WASF2: variants seen among roughly 807,000 people sequenced by gnomAD.
The protein encoded by WASF2 is actin-binding protein WASF2.
In WASF2, 14 loss-of-function variants were observed where a neutral mutation model predicts 45.0. The observed-to-expected ratio is 0.31, with a 90% CI of 0.21 to 0.49. WASF2 has a LOEUF of 0.49. WASF2 is among the 20% of genes least tolerant of loss of function. WASF2 has a pLI of 0.99. For synonymous variants in WASF2, 200 were observed against 236.3 expected, an observed-to-expected ratio of 0.85 and a Z score of 1.41; for missense variants, 439 against 636.1, an observed-to-expected ratio of 0.69 and a Z score of 3.33.
At position 27,408,308 on chromosome 1, in the gene WASF2, C is replaced by G. The variant is rs199795195; in HGVS notation, c.1378G>C (p.Glu460Gln). ...TCATTGCCCACAACATCCCGCTTCT[C>G]TTGTTCCCGCTGCTCCTCAACCCTG... The part of the protein sequence containing the change: ...LRRVEEQREQ[E>Q]KRDVVGNDVA... Residue 460 changes from glutamate (E) to glutamine (Q), a missense_variant, in exon 9 of 9, where the codon GAG becomes CAG. Physicochemically the swap from Glu to Gln is conservative, Grantham distance 29. Coordinates refer to ENST00000618852, the MANE Select transcript of WASF2 (RefSeq NM_006990.5). 1.2e-6 allele frequency: 2 copies of G among 1,614,246 alleles called. No homozygotes were observed. The highest frequency in any genetic ancestry group is 1.7e-6 in the Non-Finnish European group (2 of 1,180,056).
Position 27,414,815 on chromosome 1 carries a change from T to C in WASF2, c.668+18A>G. 2 of 1,613,978 alleles carry C rather than the reference T, an allele frequency of 1.2e-6. No homozygotes were observed. Among genetic ancestry groups the C allele is most frequent in the East Asian group, 2.2e-5 (1 of 44,868 alleles). On this transcript the variant is annotated intron_variant, in intron 6 of 8. Transcript: ENST00000618852. This position sits in a 1 kb window ranked among gnomAD's most constrained non-coding sequence, Gnocchi z 4.1. ...CCCCTTCAAAGAATGCTACCAACAG[T>C]ACAAAGGCATTACCTACCCAGAAGT...
intron 1 of WASF2, chr1:27,457,473 A>C (rs968096763): frequency 6.6e-6 from 1 of 152,160 alleles, no homozygotes; most frequent in Non-Finnish European, 1.5e-5. Context: ...GCTACTCAGC[A>C]GACTAAGGTG....
rs181643082 is a variant in WASF2 at position 27,452,058 on chromosome 1, C to G, written c.-43-23125G>C. On this transcript the variant is annotated intron_variant, in intron 1 of 8. Coordinates refer to ENST00000618852, the MANE Select transcript of WASF2 (RefSeq NM_006990.5). ...CACAGGTAACTGAAACTGGATAAGG[C>G]AGGAGACCACTGTATTTAATTTCTC... Among the ~76,000 whole-genome samples the G allele has an allele frequency of 4.3e-4, 65 of 152,316 alleles. 1 individual carries two copies. In the East Asian group the frequency reaches 7.5e-3, roughly 18 times the overall value.
chr1:27,435,260 TTTATATA>T (rs1321660253), intron 1 of WASF2, among the ~76,000 whole-genome samples: 1 of 148,848 alleles, frequency 6.7e-6, no homozygotes, highest in Non-Finnish European at 1.5e-5. Context: ...ATGGAATACT[TTTATATA>T]TCACCTTTGG....
Position 27,409,701 on chromosome 1 carries a change from T to C in WASF2, c.1330A>G (p.Ile444Val). The stretch of plus-strand genomic sequence containing the variant: ...CACCATTGAAATTTACCTTGACGGA[T>C]GGCTGAAAGCAGGTCGCTACGGGCA... ...SDARSDLLSA[I>V]RQGFQLRRVE... The change falls in exon 8 of 9, where the codon ATC (isoleucine) becomes GTC (valine). Residue 444 changes from isoleucine to valine, a missense_variant. By Grantham distance (29) the Ile-to-Val change is conservative. This residue lies in a region of WASF2 where 286 missense variants were observed against 373.5 expected (regional missense o/e 0.77). Transcript: ENST00000618852. 5.4e-6 allele frequency: 8 copies of C among 1,492,530 alleles called. No homozygotes were observed. The highest frequency in any genetic ancestry group is 1.4e-5 in the South Asian group (1 of 69,230). The allele number at this position is 1,492,530 out of a possible 1,614,324, so 92.5% of individuals were successfully genotyped here.
At chr1:27,441,512 G>T (rs2017228582) in intron 1 of WASF2, among the ~76,000 whole-genome samples, 1 of 151,848 alleles carries the variant, frequency 6.6e-6, no homozygotes, top group African/African-American at 2.4e-5. Flanking sequence ...CCAGCACTTT[G>T]GGAGGCCGAG....
rs544909281 is a variant in WASF2 at position 27,486,843 on chromosome 1, G to A, written c.-44+3143C>T. Among the ~76,000 whole-genome samples the A allele has an allele frequency of 4.2e-4, 64 of 151,758 alleles. 1 individual carries two copies. The East Asian group carries it at 6.0e-3, about 14-fold the overall frequency. ...GGAGGCTGAGGCAGGAGAATCGCCC[G>A]AACCTGGGAGGCGGAGGTTGCAGTA... On this transcript the variant is annotated intron_variant, in intron 1 of 8. Transcript: ENST00000618852.
chr1:27,461,180 T>C (rs564540751), intron 1 of WASF2, among the ~76,000 whole-genome samples: 90 of 152,204 alleles, frequency 5.9e-4, no homozygotes, highest in Middle Eastern at 3.4e-3. Flanking sequence ...AAAAGGTTTT[T>C]ACTTTTTATT....
In WASF2 at chr1:27,404,661, T is replaced by C. The variant is rs2016638222; in HGVS notation, c.*3528A>G. 6.6e-6 allele frequency: 1 copy of C among 152,202 alleles called. No homozygotes were observed. Among genetic ancestry groups the C allele is most frequent in the Admixed American group, 6.5e-5 (1 of 15,274 alleles). 9.4% of individuals were successfully genotyped at this position (152,202 alleles called of 1,614,324 possible). On this transcript the variant is annotated 3_prime_UTR_variant, in exon 9 of 9. Transcript: ENST00000618852. ...TTTGTATCAGAGAAAACAAGGCACT[T>C]TGGGAGCATTATGGCTTACTCTACT...
intron 1 of WASF2, among the ~76,000 whole-genome samples, chr1:27,462,432 G>GT (rs1234512992): frequency 6.6e-6 from 1 of 151,848 alleles, no homozygotes; most frequent in Non-Finnish European, 1.5e-5. Flanking sequence ...TGTAAAGTTC[G>GT]TATCTTTTAC....
Position 27,408,204 on chromosome 1 carries a change from GTCC to G in WASF2, c.1479_1481del (p.Glu493del). 1 of 1,613,870 alleles carries G rather than the reference GTCC, an allele frequency of 6.2e-7. No homozygotes were observed. Reference sequence around the variant, plus strand: ...GCAGAAAGAGTTAATCGGACCAGTCGTCCTCATCAAATTCAGAGGAGTCATCTT... The same window carrying G: ...GCAGAAAGAGTTAATCGGACCAGTCGTCATCAAATTCAGAGGAGTCATCTT... On this transcript the variant is annotated inframe_deletion, in exon 9 of 9. Coordinates refer to ENST00000618852, the MANE Select transcript of WASF2 (RefSeq NM_006990.5).
intron 1 of WASF2, among the ~76,000 whole-genome samples, chr1:27,487,744 ATAT>A (rs1355744884): frequency 8.6e-5 from 11 of 127,220 alleles, no homozygotes; most frequent in African/African-American, 2.9e-4. Flanking sequence ...AATGTATATC[ATAT>A]TATATAATGT....
chr1:27,454,249 C>T (rs1233526243), intron 1 of WASF2, among the ~76,000 whole-genome samples: 1 of 141,882 alleles, frequency 7.0e-6, no homozygotes, highest in Non-Finnish European at 1.5e-5. Context: ...GACTGGAATG[C>T]AGTGCATGAT....
rs184641949 is a variant in WASF2 at position 27,406,166 on chromosome 1, C to T, written c.*2023G>A. The T allele has an allele frequency of 6.5e-6, 1 of 152,712 alleles. No homozygotes were observed. Among genetic ancestry groups the T allele is most frequent in the East Asian group, 1.9e-4 (1 of 5,200 alleles). 9.5% of individuals were successfully genotyped at this position (152,712 alleles called of 1,614,324 possible). A position where few individuals can be genotyped will look rare whatever the true frequency, so the allele number is the denominator to read the frequency against. ...TACTGCTGGGCTGCGGCCCAGGCGC[C>T]TTCAACGACCATTTTAGGGTTCTGA... On this transcript the variant is annotated 3_prime_UTR_variant, in exon 9 of 9. Coordinates refer to ENST00000618852, the MANE Select transcript of WASF2 (RefSeq NM_006990.5).
chr1:27,454,627 T>C (rs1275782372), intron 1 of WASF2, among the ~76,000 whole-genome samples: 1 of 152,142 alleles, frequency 6.6e-6, no homozygotes, highest in African/African-American at 2.4e-5. Flanking sequence ...CATGAACTAC[T>C]GCGCCCAGCC....
At chr1:27,440,147 A>G (rs1242425999) in intron 1 of WASF2, among the ~76,000 whole-genome samples, 2 of 152,236 alleles carry the variant, frequency 1.3e-5, no homozygotes. Context: ...GTATTTATGG[A>G]AAAGTCACAA....
At chr1:27,420,829 T>C (rs1315110120) in intron 2 of WASF2, among the ~76,000 whole-genome samples, 1 of 152,142 alleles carries the variant, frequency 6.6e-6, no homozygotes, top group Non-Finnish European at 1.5e-5. Flanking sequence ...GGGCCTACCA[T>C]CTGAGCTTCT....
intron 2 of WASF2, among the ~76,000 whole-genome samples, chr1:27,422,085 C>T (rs1571126141): frequency 6.6e-6 from 1 of 150,698 alleles, no homozygotes; most frequent in East Asian, 1.9e-4. Flanking sequence ...CCAAGAGTAC[C>T]TAGGATTTCC....
rs1006104089 is a variant in WASF2 at position 27,414,502 on chromosome 1, C to A, written c.668+331G>T. Among the ~76,000 whole-genome samples, 41 of 152,176 alleles carry A rather than the reference C, an allele frequency of 2.7e-4. No individual in the cohort carries two copies. The highest frequency in any genetic ancestry group is 9.9e-4 in the African/African-American group (41 of 41,410). The stretch of plus-strand genomic sequence containing the variant: ...GACCTTCAAATCAATGCTCTGGAGG[C>A]AAAGGATTCCCAAGACCACTTTTCT... On this transcript the variant is annotated intron_variant, in intron 6 of 8. Transcript: ENST00000618852. This position sits in a 1 kb window ranked among gnomAD's most constrained non-coding sequence, Gnocchi z 4.1.
Sources: gnomAD v4.1 joint callset for allele counts (sites outside exome capture counted in the v4.1 genomes callset) on GRCh38, gnomAD v4.1.1 for gene constraint, gnomAD v4.1.1 regional missense constraint, Gnocchi (gnomAD v3.1) non-coding constraint, MANE v1.5 for transcripts, NCBI Gene and HGNC (gene_info 2026-07-23, HGNC 2026-07-21) for gene names.